The following FGD4 variants were observed in gnomAD, a reference collection of about 807,000 sequenced individuals.
The protein encoded by FGD4 is FYVE, RhoGEF and PH domain containing 4.
FGD4 carries 42 observed loss-of-function variants against 102.0 expected under a neutral mutation model. The observed-to-expected ratio is 0.41, with a 90% CI of 0.32 to 0.53. The LOEUF is 0.53. Among genes scored for constraint, FGD4 ranks in the 20% least tolerant of loss-of-function variants. The pLI is 0.21. For synonymous variants in FGD4, 380 were observed against 375.7 expected, an observed-to-expected ratio of 1.01 and a Z score of -0.13; for missense variants, 902 against 1,078.2, an observed-to-expected ratio of 0.84 and a Z score of 2.29.
chr12:32,556,494 C>CT (rs1276433661), intron 1 of FGD4, among the ~76,000 whole-genome samples: 1 of 152,050 alleles, frequency 6.6e-6, no homozygotes, highest in Non-Finnish European at 1.5e-5. Flanking sequence ...CAGTATTTCT[C>CT]TTTTTGTAAC....
At chr12:32,619,996 T>C (rs1412899563) in intron 11 of FGD4, 126 bp downstream of exon 11, 4 of 1,131,790 alleles carry the variant, frequency 3.5e-6, no homozygotes, top group Non-Finnish European at 5.2e-6. Flanking sequence ...TGGTTGGATG[T>C]AAATGCAGAG....
Position 32,564,257 on chromosome 12 carries a change from C to G in FGD4, c.287C>G (p.Ala96Gly), listed in dbSNP as rs1944996362. ...CAGGGAATAAATGGGAACAGGCCAG[C>G]AAAACACTCAGCTGCAAGTCCAAAG... is the stretch of plus-strand genomic sequence containing the variant. ...EAQGINGNRP[A>G]KHSAASPKPQ... is the part of the protein sequence containing the mutation. Residue 96 changes from alanine to glycine, a missense_variant, in exon 2 of 17, where the codon GCA becomes GGA. Transcript: ENST00000534526. 6.5e-7 allele frequency: 1 copy of G among 1,535,912 alleles called. No homozygotes were observed. The highest frequency in any genetic ancestry group is 1.4e-5 in the African/African-American group (1 of 73,026).
At chr12:32,618,133 T>C (rs1227469253) in intron 10 of FGD4, among the ~76,000 whole-genome samples, 1 of 152,234 alleles carries the variant, frequency 6.6e-6, no homozygotes, top group Non-Finnish European at 1.5e-5. Context: ...ATGGACTTAT[T>C]TCTATAAAAC....
chr12:32,439,828 T>C (rs1942367890), intron 1 of FGD4, among the ~76,000 whole-genome samples: 1 of 152,202 alleles, frequency 6.6e-6, no homozygotes, highest in African/African-American at 2.4e-5. Context: ...TTGAGGCTAG[T>C]TTCTAGATCC....
intron 5 of FGD4, 61 bp downstream of exon 5, chr12:32,598,647 T>A: frequency 7.3e-7 from 1 of 1,368,492 alleles, no homozygotes; most frequent in Non-Finnish European, 1.0e-6. Context: ...TTTAACCTAG[T>A]AATTAGAGTA....
intron 1 of FGD4, among the ~76,000 whole-genome samples, chr12:32,466,411 C>A (rs1037998370): frequency 2.0e-5 from 3 of 152,032 alleles, no homozygotes; most frequent in African/African-American, 4.8e-5. Flanking sequence ...AGTCCAAAGG[C>A]CATTTGCTGG....
chr12:32,548,474 G>A (rs1230562284), intron 1 of FGD4, among the ~76,000 whole-genome samples: 1 of 152,148 alleles, frequency 6.6e-6, no homozygotes, highest in Non-Finnish European at 1.5e-5. Flanking sequence ...ACTATTCTCT[G>A]TATTGGTAAT....
chr12:32,549,652 G>A (rs543308618), intron 1 of FGD4, among the ~76,000 whole-genome samples: 1 of 152,262 alleles, frequency 6.6e-6, no homozygotes, highest in African/African-American at 2.4e-5. Flanking sequence ...GTACCAAAGG[G>A]ACTATATCTA....
intron 1 of FGD4, among the ~76,000 whole-genome samples, chr12:32,460,589 G>T (rs1453675584): frequency 6.6e-6 from 1 of 152,052 alleles, no homozygotes; most frequent in African/African-American, 2.4e-5. Flanking sequence ...TTTATAAGTG[G>T]ACATATCCTG....
At chr12:32,421,023 A>G (rs554942736) in intron 1 of FGD4, among the ~76,000 whole-genome samples, 28 of 152,194 alleles carry the variant, frequency 1.8e-4, no homozygotes, top group South Asian at 1.7e-3. Context: ...CTCTCAAAGT[A>G]CTGGGATTTA....
In FGD4 at chr12:32,459,809, TGGCCTCAGCCTCCTCAG is replaced by T. The variant is rs1943052603; in HGVS notation, c.166+59851_166+59867del. Among the ~76,000 whole-genome samples, 3 of 151,938 alleles carry T rather than the reference TGGCCTCAGCCTCCTCAG, an allele frequency of 2.0e-5. No homozygotes were observed. In the South Asian group the frequency reaches 6.2e-4, roughly 32 times the overall value. ...CATTTCCTGGGCTCAAGCAATCCTC[TGGCCTCAGCCTCCTCAG>T]TAGCTAGGACTACAGGCATACGGCA... On this transcript the variant is annotated intron_variant, in intron 1 of 16. Transcript: ENST00000534526.
intron 1 of FGD4, among the ~76,000 whole-genome samples, chr12:32,500,622 C>T (rs1212661417): frequency 2.0e-5 from 3 of 151,712 alleles, no homozygotes; most frequent in South Asian, 2.1e-4. Context: ...TTAGTAGAGA[C>T]GGGATTTCAC....
chr12:32,458,957 G>A (rs145137888), intron 1 of FGD4, among the ~76,000 whole-genome samples: 24 of 152,226 alleles, frequency 1.6e-4, no homozygotes, highest in Admixed American at 8.5e-4. Context: ...TTCTCCAATA[G>A]TTAGAAAAGA....
In FGD4 at chr12:32,615,075, A is replaced by G. The variant is rs2133540; in HGVS notation, c.1749+3792A>G. Among the ~76,000 whole-genome samples, 623 of 152,362 alleles carry G rather than the reference A, an allele frequency of 4.1e-3. 4 individuals are homozygous for G. The highest frequency in any genetic ancestry group is 0.02 in the Middle Eastern group (6 of 294). On this transcript the variant is annotated intron_variant, in intron 10 of 16. Coordinates refer to ENST00000534526, the MANE Select transcript of FGD4 (RefSeq NM_001370298.3). ...ATAGCCAAAAAATTTGAGACAACCT[A>G]AATGTCCATTAACTGAATAGGTAAA...
At chr12:32,541,555 G>A (rs999158699) in intron 1 of FGD4, among the ~76,000 whole-genome samples, 3 of 152,052 alleles carry the variant, frequency 2.0e-5, no homozygotes, top group African/African-American at 4.8e-5. Flanking sequence ...TAGTAGAGAC[G>A]GGGTTTCACC....
chr12:32,406,711 C>A (rs568572592), intron 1 of FGD4, among the ~76,000 whole-genome samples: 27 of 152,210 alleles, frequency 1.8e-4, no homozygotes, highest in Admixed American at 1.5e-3. Context: ...CCAGCTGTTT[C>A]AGAATTACTT....
chr12:32,461,738 T>A lies in FGD4; in HGVS notation c.166+61779T>A, dbSNP rs558921591. Among the ~76,000 whole-genome samples the A allele has an allele frequency of 2.0e-5, 3 of 152,324 alleles. No homozygotes were observed. The South Asian group carries it at 6.2e-4, about 32-fold the overall frequency. Reference sequence around the variant, plus strand: ...ATCTTTGCATCAGTTTGTTTGTTTTTGTTTTTTAGATGGAGTCTTGCTCTG... The same window carrying A: ...ATCTTTGCATCAGTTTGTTTGTTTTAGTTTTTTAGATGGAGTCTTGCTCTG... On this transcript the variant is annotated intron_variant, in intron 1 of 16. Transcript: ENST00000534526.
intron 4 of FGD4, among the ~76,000 whole-genome samples, chr12:32,584,526 T>C (rs1946850868): frequency 6.6e-6 from 1 of 152,282 alleles, no homozygotes; most frequent in African/African-American, 2.4e-5. Flanking sequence ...CAATAATTCT[T>C]TGTGTGTTTA....
At chr12:32,527,605 T>C (rs1339355518) in intron 1 of FGD4, among the ~76,000 whole-genome samples, 5 of 152,104 alleles carry the variant, frequency 3.3e-5, no homozygotes, top group Non-Finnish European at 7.4e-5. Flanking sequence ...AATTTTTGTA[T>C]TTTTAGTAGA....
Sources: allele counts gnomAD v4.1 joint callset (sites outside exome capture counted in the v4.1 genomes callset), GRCh38; gene constraint gnomAD v4.1.1; transcripts MANE v1.5; gene names NCBI Gene and HGNC (gene_info 2026-07-23, HGNC 2026-07-21).